HIP1: variants seen among roughly 807,000 people sequenced by gnomAD.
HIP1 encodes the protein huntingtin-interacting protein 1.
Under a neutral mutation model 147.6 loss-of-function variants are expected in HIP1, and 65 were observed. That is an observed-to-expected ratio of 0.44 (90% CI 0.36 to 0.54). The LOEUF (loss-of-function observed/expected upper bound fraction) is 0.54, where lower values mean the gene tolerates loss of function less well. HIP1 is among the 20% of genes least tolerant of loss of function. HIP1 has a pLI of 0.00. For synonymous variants in HIP1, 479 were observed against 504.0 expected, an observed-to-expected ratio of 0.95 and a Z score of 0.67; for missense variants, 1,061 against 1,299.6, an observed-to-expected ratio of 0.82 and a Z score of 2.82.
At chr7:75,635,883 T>TG in intron 1 of HIP1, among the ~76,000 whole-genome samples, 5 of 145,382 alleles carry the variant, frequency 3.4e-5, no homozygotes, top group African/African-American at 1.0e-4. Flanking sequence ...ATTAGCTGGG[T>TG]GTAGTGGTGT....
chr7:75,690,727 T>C (rs1274208873), intron 1 of HIP1, among the ~76,000 whole-genome samples: 1 of 152,030 alleles, frequency 6.6e-6, no homozygotes, highest in Admixed American at 6.6e-5. Flanking sequence ...CCGGGCATGG[T>C]GGTGCATGCC....
chr7:75,533,665 T>C lies in HIP1; in HGVS notation c.*4507A>G, dbSNP rs1446682096. 4.3e-6 allele frequency: 1 copy of C among 232,514 alleles called. No individual in the cohort carries two copies. The highest frequency in any genetic ancestry group is 2.2e-5 in the African/African-American group (1 of 45,312). The allele number at this position is 232,514 out of a possible 1,614,324, so 14.4% of individuals were successfully genotyped here. ...TTTAGGGCCTTCAAACCTGAGGTAG[T>C]TGAGGGTCACCTGAAAGACATGTCT... On this transcript the variant is annotated 3_prime_UTR_variant, in exon 31 of 31. Transcript: ENST00000336926.
intron 1 of HIP1, among the ~76,000 whole-genome samples, chr7:75,735,694 C>CA (rs1554523563): frequency 1.4e-5 from 2 of 147,790 alleles, no homozygotes; most frequent in Non-Finnish European, 3.0e-5. Flanking sequence ...TTTTCTTTTT[C>CA]TTTTTTTTTT....
intron 21 of HIP1, 86 bp downstream of exon 21, chr7:75,554,027 G>A (rs1216842962): frequency 3.2e-6 from 3 of 950,928 alleles, no homozygotes; most frequent in East Asian, 5.2e-5. Flanking sequence ...TTACAGGCAT[G>A]AGCCACTGCG....
rs782382750 is a variant in HIP1 at position 75,554,510 on chromosome 7, C to T, written c.1980G>A (p.Thr660=). ...CGATGCAGCTGGAAATGGATGTGAC[C>T]GTGGAGAGGAGGTGATCTGTGAGAG... ...CAGSADHLLS[T]VTSISSCIEQ... is the part of the protein sequence containing the mutation. Residue 660 remains threonine, a synonymous_variant, in exon 20 of 31, where the codon ACG becomes ACA. Coordinates refer to ENST00000336926, the MANE Select transcript of HIP1 (RefSeq NM_005338.7). The T allele has an allele frequency of 9.9e-6, 16 of 1,613,460 alleles. No homozygotes were observed. The highest frequency in any genetic ancestry group is 5.3e-5 in the African/African-American group (4 of 74,872).
At chr7:75,579,567 C>T (rs1554498236) in intron 7 of HIP1, among the ~76,000 whole-genome samples, 1 of 152,202 alleles carries the variant, frequency 6.6e-6, no homozygotes, top group East Asian at 1.9e-4. Flanking sequence ...GCTAGGATTA[C>T]AGGCATGAGC....
chr7:75,567,815 A>C (rs1005425967), intron 9 of HIP1, among the ~76,000 whole-genome samples: 1 of 151,576 alleles, frequency 6.6e-6, no homozygotes, highest in Admixed American at 6.6e-5. Context: ...TATTTAAAAA[A>C]AATTTTTTTT....
chr7:75,738,523 A>C, intron 1 of HIP1, among the ~76,000 whole-genome samples: 1 of 150,250 alleles, frequency 6.7e-6, no homozygotes, highest in East Asian at 2.0e-4. Flanking sequence ...TCATCTTGGG[A>C]CTCCTGCCCG....
At position 75,537,376 on chromosome 7, in the gene HIP1, G is replaced by C. The variant is rs1455796706; in HGVS notation, c.*796C>G. On this transcript the variant is annotated 3_prime_UTR_variant, in exon 31 of 31. Coordinates refer to ENST00000336926, the MANE Select transcript of HIP1 (RefSeq NM_005338.7). ...CCTGGAGCATGGACTGGGTGGGCCA[G>C]CACTTGGTCAGTGTGGAGGCGGAGA... 8 of 233,092 alleles carry C rather than the reference G, an allele frequency of 3.4e-5. No homozygotes were observed. Among genetic ancestry groups the C allele is most frequent in the African/African-American group, 1.8e-4 (8 of 45,292 alleles). 14.4% of individuals were successfully genotyped at this position (233,092 alleles called of 1,614,324 possible).
intron 1 of HIP1, among the ~76,000 whole-genome samples, chr7:75,636,686 G>A (rs1406791592): frequency 6.6e-6 from 1 of 152,198 alleles, no homozygotes; most frequent in Admixed American, 6.5e-5. Flanking sequence ...TCTGGATTGG[G>A]CGCTTGGCTG....
At chr7:75,676,205 G>T (rs1409885352) in intron 1 of HIP1, among the ~76,000 whole-genome samples, 1 of 152,074 alleles carries the variant, frequency 6.6e-6, no homozygotes, top group Non-Finnish European at 1.5e-5. Context: ...AATTCTTTGC[G>T]CAGTTAACTT....
At chr7:75,636,245 G>C (rs1302462487) in intron 1 of HIP1, among the ~76,000 whole-genome samples, 1 of 151,580 alleles carries the variant, frequency 6.6e-6, no homozygotes, top group Admixed American at 6.6e-5. Context: ...CAGCTACTAG[G>C]GAAGCTGAGG....
chr7:75,706,169 A>G (rs1800987942), intron 1 of HIP1, among the ~76,000 whole-genome samples: 1 of 152,198 alleles, frequency 6.6e-6, no homozygotes, highest in Non-Finnish European at 1.5e-5. Flanking sequence ...TGCTGGGATT[A>G]CAGGAGTAAG....
rs1383744387 is a variant in HIP1, at chr7:75,568,071, C to T, written c.803+128G>A. 2.8e-6 allele frequency: 2 copies of T among 719,380 alleles called. No homozygotes were observed. Among genetic ancestry groups the T allele is most frequent in the Non-Finnish European group, 2.6e-6 (1 of 392,090 alleles). 44.6% of individuals were successfully genotyped at this position (719,380 alleles called of 1,614,324 possible). ...CCTCAAGTGATCCTCCCGCCTCAGC[C>T]TCCCAAAGAGTTGGGGTTACAGGCA... On this transcript the variant is annotated intron_variant, in intron 9 of 30. Transcript: ENST00000336926. This position sits in a 1 kb window ranked among gnomAD's most constrained non-coding sequence, Gnocchi z 4.1.
At chr7:75,625,436 G>T (rs1360318971) in intron 1 of HIP1, 1 of 152,450 alleles carries the variant, frequency 6.6e-6, no homozygotes, top group Non-Finnish European at 1.5e-5. Flanking sequence ...GAGGCCTGGG[G>T]TGTGGGCATC....
intron 6 of HIP1, 109 bp from the exon 7 acceptor site, chr7:75,581,407 G>A (rs781940817): frequency 1.3e-6 from 1 of 751,100 alleles, no homozygotes; most frequent in Non-Finnish European, 2.3e-6. Context: ...TCATGTGCAT[G>A]CGCAAACACA....
chr7:75,659,755 G>C (rs781854133), intron 1 of HIP1, among the ~76,000 whole-genome samples: 3 of 152,188 alleles, frequency 2.0e-5, no homozygotes, highest in Non-Finnish European at 4.4e-5. Flanking sequence ...CTTCCTCTTA[G>C]CAGATGCTGC....
At chr7:75,626,129 C>T (rs1333437502) in intron 1 of HIP1, 2 of 152,156 alleles carry the variant, frequency 1.3e-5, no homozygotes, top group Non-Finnish European at 2.9e-5. Context: ...TTTATAGACC[C>T]AGTCTATGGT....
At chr7:75,625,353 C>G (rs782138710) in intron 1 of HIP1, 1 of 152,428 alleles carries the variant, frequency 6.6e-6, no homozygotes, top group Non-Finnish European at 1.5e-5. Flanking sequence ...AGAGTGAGGT[C>G]TAGATGGGGA....
Sources: allele counts gnomAD v4.1 joint callset (sites outside exome capture counted in the v4.1 genomes callset), GRCh38; gene constraint gnomAD v4.1.1; non-coding constraint Gnocchi (gnomAD v3.1); transcripts MANE v1.5; gene names NCBI Gene and HGNC (gene_info 2026-07-23, HGNC 2026-07-21).